CACNA1H: variants seen among roughly 807,000 people sequenced by gnomAD.
CACNA1H encodes voltage-dependent T-type calcium channel subunit alpha-1H.
Under a neutral mutation model 192.5 loss-of-function variants are expected in CACNA1H, and 149 were observed. The observed-to-expected ratio is 0.77, with a 90% CI of 0.68 to 0.89. The LOEUF (loss-of-function observed/expected upper bound fraction) is 0.89, where lower values mean the gene tolerates loss of function less well. Ranked by LOEUF, CACNA1H falls within the 40% of genes least tolerant of loss-of-function variation. The pLI, the probability that CACNA1H is intolerant of heterozygous loss-of-function variation, is 0.00. For synonymous variants in CACNA1H, 2,202 were observed against 1,475.2 expected (o/e 1.49, Z -11.29); for missense variants, 4,257 against 3,423.5 (o/e 1.24, Z -6.08).
At chr16:1,206,390 C>T (rs376604824) in intron 12 of CACNA1H, 101 bp downstream of exon 12, 12 of 1,091,924 alleles carry the variant, frequency 1.1e-5, no homozygotes, top group East Asian at 1.0e-4. Flanking sequence ...GCCCTCCCAC[C>T]AGCAGCCCCA....
intron 31 of CACNA1H, 27 bp downstream of exon 31, chr16:1,217,037 G>A (rs767922167): frequency 3.9e-6 from 6 of 1,556,762 alleles, no homozygotes; most frequent in East Asian, 4.7e-5. Context: ...CCCTCCTCCT[G>A]GCACACATGG....
In CACNA1H at chr16:1,207,828, A is replaced by C; in HGVS notation, c.3122A>C (p.Asp1041Ala). Residue 1041 changes from aspartate to alanine, a missense_variant, in exon 15 of 35, where the codon GAC (aspartate) becomes GCC (alanine). By Grantham distance (126) the Asp-to-Ala change is moderately radical. Coordinates refer to ENST00000348261, the MANE Select transcript of CACNA1H (RefSeq NM_021098.3). The part of the protein sequence containing the change: ...EDKTSVHFEE[D>A]FHKLRELQTT... Reference sequence around the variant, plus strand: ...AAGACGTCGGTCCACTTCGAGGAGGACTTCCACAAGCTCAGAGAACTCCAG... The same window carrying C: ...AAGACGTCGGTCCACTTCGAGGAGGCCTTCCACAAGCTCAGAGAACTCCAG... 6.2e-7 allele frequency: 1 copy of C among 1,600,946 alleles called. No homozygotes were observed.
rs1217831472 is a variant in CACNA1H at position 1,210,723 on chromosome 16, A to T, written c.4039-64A>T. 1.9e-6 allele frequency: 3 copies of T among 1,562,012 alleles called. No homozygotes were observed. The Admixed American group carries it at 5.3e-5, about 27-fold the overall frequency. ...GCCCTCATCCCCACCCCCACCCAGC[A>T]GCGCGCCAGCTCCCCAGACCCCCCA... On this transcript the variant is annotated intron_variant, in intron 20 of 34. Coordinates refer to ENST00000348261, the MANE Select transcript of CACNA1H (RefSeq NM_021098.3).
chr16:1,206,799 G>A (rs973022485), intron 12 of CACNA1H: 1 of 566,054 alleles, frequency 1.8e-6, no homozygotes, highest in Non-Finnish European at 3.2e-6. Context: ...CCTGTGGAAT[G>A]GACACTACTG....
chr16:1,197,630 T>C (rs1297410713), intron 5 of CACNA1H, among the ~76,000 whole-genome samples: 4 of 152,210 alleles, frequency 2.6e-5, no homozygotes, highest in Non-Finnish European at 5.9e-5. Context: ...TTGAGGCGGT[T>C]GCGGTCTGGC....
rs1458534622 is a variant in CACNA1H, at chr16:1,180,863, G to A, written c.300-14109G>A. On this transcript the variant is annotated intron_variant, in intron 2 of 34. Coordinates refer to ENST00000348261, the MANE Select transcript of CACNA1H (RefSeq NM_021098.3). The surrounding 1 kb of genome is among the most constrained non-coding windows in gnomAD (Gnocchi z 4.4). ...ACTCCCCGGGCCAGCACCCGACCTGGCCGCCAGCGTGCTGAGGACAGACCT... is the reference window on the plus strand; with the variant it reads ...ACTCCCCGGGCCAGCACCCGACCTGACCGCCAGCGTGCTGAGGACAGACCT... Among the ~76,000 whole-genome samples the A allele has an allele frequency of 6.6e-6, 1 of 152,192 alleles. No homozygotes were observed. Among genetic ancestry groups the A allele is most frequent in the Admixed American group, 6.5e-5 (1 of 15,284 alleles).
chr16:1,178,516 G>A (rs990060342), intron 2 of CACNA1H, among the ~76,000 whole-genome samples: 22 of 152,246 alleles, frequency 1.4e-4, no homozygotes, highest in African/African-American at 5.3e-4. Flanking sequence ...AGATGCAGAG[G>A]GGTGACAGTG....
chr16:1,196,036 C>A lies in CACNA1H; in HGVS notation c.643+13C>A, dbSNP rs372696554. 47 of 1,606,258 alleles carry A rather than the reference C, an allele frequency of 2.9e-5. No homozygotes were observed. The highest frequency in any genetic ancestry group is 1.6e-4 in the East Asian group (7 of 44,850). On this transcript the variant is annotated intron_variant, in intron 5 of 34. Transcript: ENST00000348261. The stretch of plus-strand genomic sequence containing the variant: ...AACCGCGTGCCTAGTAAGTGACCGG[C>A]CCCGACTGGGCTTGAGATCAACAGG...
In CACNA1H at chr16:1,216,924, T is replaced by C; in HGVS notation, c.5245-8T>C. On this transcript the variant is annotated splice_polypyrimidine_tract_variant and splice_region_variant and intron_variant, in intron 30 of 34. Coordinates refer to ENST00000348261, the MANE Select transcript of CACNA1H (RefSeq NM_021098.3). ...CGTCTGACCCAGCTCTGCTTCTCTCTTGTGTAGGTGGGGAACCTGGGCCTT... is the reference window on the plus strand; with the variant it reads ...CGTCTGACCCAGCTCTGCTTCTCTCCTGTGTAGGTGGGGAACCTGGGCCTT... 6.3e-7 allele frequency: 1 copy of C among 1,598,542 alleles called. No individual in the cohort carries two copies. Among genetic ancestry groups the C allele is most frequent in the Non-Finnish European group, 8.5e-7 (1 of 1,172,462 alleles).
chr16:1,206,664 G>C (rs1968749168), intron 12 of CACNA1H: 4 of 422,590 alleles, frequency 9.5e-6, no homozygotes, highest in South Asian at 3.1e-5. Flanking sequence ...AGGCTAGGCA[G>C]CCAGGCAGGC....
chr16:1,219,661 C>A (rs1040422858), intron 34 of CACNA1H, among the ~76,000 whole-genome samples: 1 of 152,234 alleles, frequency 6.6e-6, no homozygotes, highest in African/African-American at 2.4e-5. Flanking sequence ...AGAGCCCCAT[C>A]CTGGGGGTGC....
intron 2 of CACNA1H, among the ~76,000 whole-genome samples, chr16:1,155,071 A>G (rs559522977): frequency 8.1e-4 from 124 of 152,326 alleles, no homozygotes; most frequent in Middle Eastern, 3.4e-3. Context: ...GCCTGTGTAC[A>G]CTTCCCTACC....
chr16:1,187,090 A>G (rs895152723), intron 2 of CACNA1H, among the ~76,000 whole-genome samples: 35 of 152,246 alleles, frequency 2.3e-4, no homozygotes, highest in African/African-American at 8.2e-4. Flanking sequence ...TCCCCTCCGC[A>G]CTGCGGGCTG....
intron 14 of CACNA1H, 46 bp from the exon 15 acceptor site, chr16:1,207,724 C>CA (rs1449132996): frequency 1.3e-6 from 2 of 1,489,914 alleles, no homozygotes; most frequent in Middle Eastern, 1.7e-4. Context: ...GAAGGGTCCC[C>CA]ACTCACGGGG....
intron 2 of CACNA1H, among the ~76,000 whole-genome samples, chr16:1,188,515 C>G (rs1966284018): frequency 6.6e-6 from 1 of 151,970 alleles, no homozygotes; most frequent in Non-Finnish European, 1.5e-5. Flanking sequence ...ATAGCAGCTG[C>G]CAGGGTTCCC....
rs775156550 is a variant in CACNA1H at position 1,218,643 on chromosome 16, C to G, written c.5879C>G (p.Thr1960Ser). 1 of 1,545,038 alleles carries G rather than the reference C, an allele frequency of 6.5e-7. No homozygotes were observed. Among genetic ancestry groups the G allele is most frequent in the South Asian group, 1.2e-5 (1 of 82,840 alleles). ...GAGATGGAGACCTATGGGGCCGGCA[C>G]CCCCTTGGGTATGGTAGCCAGCAGG... ...EVEMETYGAG[T>S]PLGSVASVHS... Residue 1960 changes from threonine to serine, a missense_variant, in exon 33 of 35, where the codon ACC becomes AGC. Transcript: ENST00000348261.
chr16:1,202,235 A>G lies in CACNA1H; in HGVS notation c.1785A>G (p.Ala595=). ...AGAGGGCCCGGGTGGCACATGCCGCAGCCACTGCCGCTGCCAGCCTCAGAC... is the reference window on the plus strand; with the variant it reads ...AGAGGGCCCGGGTGGCACATGCCGCGGCCACTGCCGCTGCCAGCCTCAGAC... ...PQERARVAHA[A]ATAAASLRLA... The change falls in exon 9 of 35, where the codon GCA becomes GCG. Residue 595 remains alanine (A), a synonymous_variant. Transcript: ENST00000348261. 1 of 1,559,068 alleles carries G rather than the reference A, an allele frequency of 6.4e-7. No homozygotes were observed. Among genetic ancestry groups the G allele is most frequent in the Non-Finnish European group, 8.7e-7 (1 of 1,153,284 alleles).
intron 2 of CACNA1H, among the ~76,000 whole-genome samples, chr16:1,156,194 G>A (rs1217070958): frequency 6.6e-6 from 1 of 152,202 alleles, no homozygotes; most frequent in Non-Finnish European, 1.5e-5. Flanking sequence ...GGCTCTCCCA[G>A]CTCCAAACGC....
chr16:1,213,772 C>A lies in CACNA1H; in HGVS notation c.4778-8C>A. 6.5e-7 allele frequency: 1 copy of A among 1,544,160 alleles called. No homozygotes were observed. The highest frequency in any genetic ancestry group is 1.2e-5 in the South Asian group (1 of 84,230). The stretch of plus-strand genomic sequence containing the variant: ...CCTGCCCGGCGCTCATGGCCGCCCT[C>A]CCCGCAGAGGCCCAGCGCCGGCCCT... On this transcript the variant is annotated splice_region_variant and splice_polypyrimidine_tract_variant and intron_variant, in intron 26 of 34. Coordinates refer to ENST00000348261, the MANE Select transcript of CACNA1H (RefSeq NM_021098.3).
Sources: allele counts gnomAD v4.1 joint callset (sites outside exome capture counted in the v4.1 genomes callset), GRCh38; gene constraint gnomAD v4.1.1; non-coding constraint Gnocchi (gnomAD v3.1); transcripts MANE v1.5; gene names NCBI Gene and HGNC (gene_info 2026-07-23, HGNC 2026-07-21).